DAB1: variants seen among roughly 807,000 people sequenced by gnomAD.
The protein encoded by DAB1 is DAB adaptor protein 1.
A neutral mutation model predicts 64.6 loss-of-function variants in DAB1; 15 were observed. The observed-to-expected ratio is 0.23, with a 90% CI of 0.16 to 0.36. The LOEUF is 0.36. DAB1 is among the 10% of genes least tolerant of loss of function. The pLI is 1.00. For synonymous variants in DAB1, 235 were observed against 251.9 expected (o/e 0.93, Z 0.64); for missense variants, 596 against 706.7 (o/e 0.84, Z 1.78).
intron 5 of DAB1, among the ~76,000 whole-genome samples, chr1:57,996,490 T>C (rs890670399): frequency 2.0e-5 from 3 of 152,174 alleles, no homozygotes; most frequent in Non-Finnish European, 4.4e-5. Context: ...TTTGCTGGGT[T>C]GAAATTCACG....
At chr1:58,178,054 G>A (rs1291461701) in intron 4 of DAB1, among the ~76,000 whole-genome samples, 1 of 152,104 alleles carries the variant, frequency 6.6e-6, no homozygotes, top group Non-Finnish European at 1.5e-5. Flanking sequence ...GAAAGTGTAA[G>A]GTTAGTGGAC....
At chr1:57,816,711 C>T (rs1351311058) in intron 6 of DAB1, among the ~76,000 whole-genome samples, 1 of 152,132 alleles carries the variant, frequency 6.6e-6, no homozygotes, top group East Asian at 1.9e-4. Flanking sequence ...TTTATAAAAG[C>T]CTTCTTCACT....
chr1:58,044,891 TTAA>T (rs1178025919), intron 5 of DAB1, among the ~76,000 whole-genome samples: 2 of 152,124 alleles, frequency 1.3e-5, no homozygotes, highest in African/African-American at 4.8e-5. Context: ...GCTGGTATTA[TTAA>T]TATTCCTCAT....
At chr1:58,272,861 G>A (rs566094241) in intron 4 of DAB1, among the ~76,000 whole-genome samples, 1,413 of 136,218 alleles carry the variant, frequency 0.01, 23 homozygotes, top group African/African-American at 0.038. Context: ...CCATTTGCTT[G>A]GTAGATCTTC....
intron 5 of DAB1, among the ~76,000 whole-genome samples, chr1:57,949,852 G>T (rs1024262893): frequency 1.7e-4 from 26 of 152,290 alleles, no homozygotes; most frequent in African/African-American, 6.0e-4. Context: ...TTTGAGAACT[G>T]CTTGCTAACT....
At position 57,084,194 on chromosome 1, in the gene DAB1, C is replaced by G. The variant is rs1652832192; in HGVS notation, c.307-11780G>C. 2.6e-5 allele frequency among the ~76,000 whole-genome samples: 4 copies of G among 152,122 alleles called. No individual in the cohort carries two copies. The South Asian group carries it at 8.3e-4, about 31-fold the overall frequency. On this transcript the variant is annotated intron_variant, in intron 4 of 14. Coordinates refer to ENST00000371236, the MANE Select transcript of DAB1 (RefSeq NM_001365792.1). ...GATCATACAGGGTGGCCCACTGATT[C>G]AATATGAATGGTGTCCTTATAAAAG...
intron 5 of DAB1, among the ~76,000 whole-genome samples, chr1:58,112,650 A>C (rs985263425): frequency 1.3e-5 from 2 of 152,242 alleles, no homozygotes; most frequent in East Asian, 3.8e-4. Context: ...GTCACTCTTC[A>C]TGGAAACCAT....
At chr1:57,943,753 C>T (rs1029425404) in intron 5 of DAB1, among the ~76,000 whole-genome samples, 6 of 152,062 alleles carry the variant, frequency 3.9e-5, no homozygotes, top group African/African-American at 9.7e-5. Flanking sequence ...TTTTATGTTA[C>T]GTAATTACCT....
chr1:58,414,742 G>C (rs943635813), intron 3 of DAB1, among the ~76,000 whole-genome samples: 4 of 151,312 alleles, frequency 2.6e-5, no homozygotes, highest in African/African-American at 9.7e-5. Flanking sequence ...GAAGAAACTT[G>C]CACAAGGTCA....
intron 3 of DAB1, among the ~76,000 whole-genome samples, chr1:58,461,186 C>T (rs1220274233): frequency 2.0e-5 from 3 of 152,082 alleles, no homozygotes; most frequent in African/African-American, 7.2e-5. Context: ...TTAAAAACCT[C>T]CATCTTAAAA....
chr1:57,067,218 A>G (rs1651001896), intron 8 of DAB1, among the ~76,000 whole-genome samples: 1 of 152,172 alleles, frequency 6.6e-6, no homozygotes, highest in South Asian at 2.1e-4. Context: ...GACAGATGGG[A>G]AGATCTAGAG....
At chr1:57,042,488 G>A (rs150551220) in intron 9 of DAB1, among the ~76,000 whole-genome samples, 1 of 152,130 alleles carries the variant, frequency 6.6e-6, no homozygotes, top group Non-Finnish European at 1.5e-5. Context: ...TGGATTAGAT[G>A]ACTACCCTTG....
chr1:57,773,869 C>A (rs1012415993), intron 6 of DAB1, among the ~76,000 whole-genome samples: 1 of 152,012 alleles, frequency 6.6e-6, no homozygotes, highest in African/African-American at 2.4e-5. Context: ...GATATGCTTA[C>A]ATCAATTCTA....
At chr1:57,369,106 G>A (rs1680290978) in intron 1 of DAB1, among the ~76,000 whole-genome samples, 2 of 152,156 alleles carry the variant, frequency 1.3e-5, no homozygotes, top group Non-Finnish European at 2.9e-5. Context: ...TTGAATGGTG[G>A]AGCTAGACTG....
intron 4 of DAB1, among the ~76,000 whole-genome samples, chr1:58,296,940 A>G (rs1286802312): frequency 6.6e-6 from 1 of 152,224 alleles, no homozygotes; most frequent in African/African-American, 2.4e-5. Flanking sequence ...AAAATGTTTC[A>G]GATACTTCAG....
At chr1:57,211,352 G>C (rs1455517748) in intron 2 of DAB1, among the ~76,000 whole-genome samples, 4 of 152,178 alleles carry the variant, frequency 2.6e-5, no homozygotes, top group African/African-American at 9.7e-5. Context: ...GGTGTTAAAA[G>C]TGATACAAGT....
chr1:58,060,510 T>C (rs1257489742), intron 5 of DAB1, among the ~76,000 whole-genome samples: 1 of 152,160 alleles, frequency 6.6e-6, no homozygotes, highest in African/African-American at 2.4e-5. Flanking sequence ...GAGCGACTGG[T>C]GAAAGCCACC....
chr1:57,041,881 CA>C, intron 9 of DAB1, among the ~76,000 whole-genome samples: 1 of 152,258 alleles, frequency 6.6e-6, no homozygotes, highest in South Asian at 2.1e-4. Flanking sequence ...TATTTCAAAT[CA>C]GGAAACAGAG....
chr1:57,397,421 T>C (rs1436248117), intron 1 of DAB1, among the ~76,000 whole-genome samples: 3 of 152,222 alleles, frequency 2.0e-5, no homozygotes, highest in Non-Finnish European at 4.4e-5. Flanking sequence ...TGAGAGATTA[T>C]CTATTTTTTT....
Sources: allele counts gnomAD v4.1 joint callset (sites outside exome capture counted in the v4.1 genomes callset), GRCh38; gene constraint gnomAD v4.1.1; transcripts MANE v1.5; gene names NCBI Gene and HGNC (gene_info 2026-07-23, HGNC 2026-07-21).